The following PPP1R3F variants were observed in gnomAD, a reference collection of about 807,000 sequenced individuals.
The protein encoded by PPP1R3F is protein phosphatase 1 regulatory subunit 3F, also known as protein phosphatase 1, regulatory (inhibitor) subunit 3F.
PPP1R3F carries 29 observed loss-of-function variants against 24.2 expected under a neutral mutation model. The ratio of observed to expected loss-of-function variants is 1.20; its 90% CI spans 0.89 to 1.63. PPP1R3F has a LOEUF of 1.63. Ranked by LOEUF, PPP1R3F falls within the 40% of genes most tolerant of loss-of-function variation. PPP1R3F has a pLI of 0.00. For synonymous variants in PPP1R3F, 363 were observed against 340.1 expected (o/e 1.07, Z -0.74); for missense variants, 823 against 729.3 (o/e 1.13, Z -1.48).
At chrX:49,271,582 C>T (rs782777324) in intron 1 of PPP1R3F, among the ~76,000 whole-genome samples, 3 of 112,473 alleles carry the variant, frequency 2.7e-5, no homozygotes, top group Admixed American at 9.3e-5. Flanking sequence ...AGAGCAGATT[C>T]TCTTTCTGAC....
At position 49,286,808 on chromosome X, in the gene PPP1R3F, C is replaced by T. The variant is rs368923458; in HGVS notation, c.2118C>T (p.Leu706=). 8.3e-7 allele frequency: 1 copy of T among 1,201,821 alleles called. No homozygotes were observed. The highest frequency in any genetic ancestry group is 1.1e-6 in the Non-Finnish European group (1 of 890,224). The change falls in exon 4 of 4, where the codon CTC becomes CTT. Residue 706 remains leucine, a synonymous_variant. Coordinates refer to ENST00000055335, the MANE Select transcript of PPP1R3F (RefSeq NM_033215.5). ...TTCTGCAGGGGCAAAATCCCACCCT[C>T]CTCAGTCCCTTGGGGGCCGAAGTCT... is the stretch of plus-strand genomic sequence containing the variant. ...PVLLQGQNPT[L]LSPLGAEVCL...
Position 49,272,976 on chromosome X carries a change from A to G in PPP1R3F, c.1004+2103A>G, listed in dbSNP as rs1053868026. On this transcript the variant is annotated intron_variant, in intron 1 of 3. Coordinates refer to ENST00000055335, the MANE Select transcript of PPP1R3F (RefSeq NM_033215.5). ...TCCTCTAGAAAGCGTGGCATGATTC[A>G]GGGCAAATTCTGGATTTCACTCTTG... is the stretch of plus-strand genomic sequence containing the variant. 2.8e-5 allele frequency: 3 copies of G among 107,641 alleles called. No homozygotes were observed. The Admixed American group carries it at 3.0e-4, about 11-fold the overall frequency. 8.9% of individuals were successfully genotyped at this position (107,641 alleles called of 1,213,427 possible). A position where few individuals can be genotyped will look rare whatever the true frequency, so the allele number is the denominator to read the frequency against.
rs146047715 is a variant in PPP1R3F at position 49,286,826 on chromosome X, C to T, written c.2136C>T (p.Ala712=). ...CCACCCTCCTCAGTCCCTTGGGGGC[C>T]GAAGTCTGTCTCTCTAGTGTAGCCA... is the stretch of plus-strand genomic sequence containing the variant. ...QNPTLLSPLG[A]EVCLSSVARP... The change falls in exon 4 of 4, where the codon GCC becomes GCT. Residue 712 remains alanine, a synonymous_variant. Coordinates refer to ENST00000055335, the MANE Select transcript of PPP1R3F (RefSeq NM_033215.5). The T allele has an allele frequency of 2.6e-3, 3,059 of 1,198,814 alleles. 4 individuals carry two copies. Among genetic ancestry groups the T allele is most frequent in the Non-Finnish European group, 3.0e-3 (2,630 of 888,622 alleles).
downstream of PPP1R3F, among the ~76,000 whole-genome samples, chrX:49,288,552 T>A (rs2066299788): frequency 8.9e-6 from 1 of 112,117 alleles, no homozygotes; most frequent in African/African-American, 3.2e-5. Context: ...ACACTGATAC[T>A]TATTGTAATG....
At chrX:49,279,920 AG>A (rs2066237279) in intron 1 of PPP1R3F, among the ~76,000 whole-genome samples, 2 of 112,422 alleles carry the variant, frequency 1.8e-5, no homozygotes, top group African/African-American at 6.5e-5. Flanking sequence ...TATGCCACTC[AG>A]GGATCTGACT....
chrX:49,294,418 C>T (rs1470492155), intron 3 of PPP1R3F, among the ~76,000 whole-genome samples: 1 of 108,458 alleles, frequency 9.2e-6, no homozygotes, highest in Non-Finnish European at 1.9e-5. Context: ...GATGGGGTTT[C>T]GCCGTGTTGC....
intron 3 of PPP1R3F, among the ~76,000 whole-genome samples, chrX:49,300,305 C>G (rs2066333764): frequency 9.1e-6 from 1 of 110,016 alleles, no homozygotes; most frequent in South Asian, 3.9e-4. Context: ...AAGGCAGTGC[C>G]CCACTCTACT....
intron 3 of PPP1R3F, among the ~76,000 whole-genome samples, chrX:49,298,370 T>A (rs2066329193): frequency 8.9e-6 from 1 of 112,498 alleles, no homozygotes; most frequent in Non-Finnish European, 1.9e-5. Context: ...GTAGGGTTTC[T>A]GCAGAGATCC....
In PPP1R3F at chrX:49,270,085, T is replaced by TGGC. The variant is rs781904515; in HGVS notation, c.231_233dup (p.Gly78dup). ...AGATGGCGGCGGCGGCCGGGCAAGA[T>TGGC]GGCGGCGGCGGCGGCGGGGCCGACG... is the stretch of plus-strand genomic sequence containing the variant. On this transcript the variant is annotated inframe_insertion, in exon 1 of 4. Transcript: ENST00000055335. 5.5e-4 allele frequency: 554 copies of TGGC among 1,000,312 alleles called. 12 individuals are homozygous for TGGC. In the East Asian group the frequency reaches 8.4e-3, roughly 15 times the overall value. The allele number at this position is 1,000,312 out of a possible 1,213,427, so 82.4% of individuals were successfully genotyped here.
rs1290956504 is a variant in PPP1R3F at position 49,287,163 on chromosome X, T to C, written c.*73T>C. 25 of 1,051,014 alleles carry C rather than the reference T, an allele frequency of 2.4e-5. No homozygotes were observed. Among genetic ancestry groups the C allele is most frequent in the Non-Finnish European group, 3.0e-5 (23 of 775,576 alleles). The allele number at this position is 1,051,014 out of a possible 1,213,427, so 86.6% of individuals were successfully genotyped here. A position where few individuals can be genotyped will look rare whatever the true frequency, so the allele number is the denominator to read the frequency against. On this transcript the variant is annotated 3_prime_UTR_variant, in exon 4 of 4. Transcript: ENST00000055335. ...GTGCAGTGAGGGGACCTGGGTCCTT[T>C]GCTTCTGAGAATGCTCAACTGAAAG...
chrX:49,299,500 T>C (rs189427091), intron 3 of PPP1R3F, among the ~76,000 whole-genome samples: 44 of 112,164 alleles, frequency 3.9e-4, no homozygotes, highest in African/African-American at 1.3e-3. Context: ...GGGACCCACT[T>C]GAGGAGGCAG....
Position 49,270,742 on chromosome X carries a change from C to T in PPP1R3F, c.873C>T (p.Pro291=). The part of the protein sequence containing the change: ...YTVLLRIAPA[P]TPTDAEGLPQ... The stretch of plus-strand genomic sequence containing the variant: ...TCCTGCTCCGGATCGCACCCGCTCC[C>T]ACACCCACTGATGCCGAAGGGCTGC... The change falls in exon 1 of 4, where the codon CCC becomes CCT. Residue 291 remains proline, a synonymous_variant. Transcript: ENST00000055335. 1 of 1,204,597 alleles carries T rather than the reference C, an allele frequency of 8.3e-7. No individual in the cohort carries two copies. The highest frequency in any genetic ancestry group is 1.1e-6 in the Non-Finnish European group (1 of 892,075).
intron 3 of PPP1R3F, among the ~76,000 whole-genome samples, chrX:49,293,321 C>T (rs181370231): frequency 4.1e-3 from 466 of 112,500 alleles, no homozygotes; most frequent in Non-Finnish European, 5.2e-3. Context: ...TATTATTATA[C>T]TCCTATTGGA....
chrX:49,296,066 T>C (rs895881375), intron 3 of PPP1R3F, among the ~76,000 whole-genome samples: 3 of 112,064 alleles, frequency 2.7e-5, no homozygotes, highest in African/African-American at 9.7e-5. Context: ...CTTTTTCTAT[T>C]GTTTGGAATA....
chrX:49,286,012 A>G lies in PPP1R3F; in HGVS notation c.1322A>G (p.Glu441Gly). ...CAGGCCTCAGGGCCCGATGCGAGCGAGGGGGCCACCGGGCCTTTCCTGGAG... is the reference window on the plus strand; with the variant it reads ...CAGGCCTCAGGGCCCGATGCGAGCGGGGGGGCCACCGGGCCTTTCCTGGAG... ...RDQASGPDAS[E>G]GATGPFLEPS... Residue 441 changes from glutamate (E) to glycine (G), a missense_variant, in exon 4 of 4, where the codon GAG (glutamate) becomes GGG (glycine). Coordinates refer to ENST00000055335, the MANE Select transcript of PPP1R3F (RefSeq NM_033215.5). The G allele has an allele frequency of 8.5e-7, 1 of 1,181,690 alleles. No individual in the cohort carries two copies. The highest frequency in any genetic ancestry group is 1.1e-6 in the Non-Finnish European group (1 of 878,123).
chrX:49,292,453 T>G (rs1292832142), downstream of PPP1R3F, among the ~76,000 whole-genome samples: 1 of 112,896 alleles, frequency 8.9e-6, no homozygotes, highest in Non-Finnish European at 1.9e-5. Flanking sequence ...TTGGCCAGGT[T>G]GGCCAGGTTG....
In PPP1R3F at chrX:49,269,945, A is replaced by C. The variant is rs1470082474; in HGVS notation, c.76A>C (p.Thr26Pro). 1.9e-5 allele frequency: 17 copies of C among 891,802 alleles called. No individual in the cohort carries two copies. The highest frequency in any genetic ancestry group is 6.4e-5 in the Admixed American group (1 of 15,598). The allele number at this position is 891,802 out of a possible 1,213,427, so 73.5% of individuals were successfully genotyped here. A position where few individuals can be genotyped will look rare whatever the true frequency, so the allele number is the denominator to read the frequency against. Reference sequence around the variant, plus strand: ...CTCGCCGGCCGCGGGTGAGCCCCGCACCTCGGTCGAGGCGGCGGTGGCCCC... The same window carrying C: ...CTCGCCGGCCGCGGGTGAGCCCCGCCCCTCGGTCGAGGCGGCGGTGGCCCC... ...PPSPAAGEPR[T>P]SVEAAVAPRR... Residue 26 changes from threonine (T) to proline (P), a missense_variant, in exon 1 of 4, where the codon ACC (threonine) becomes CCC (proline). Transcript: ENST00000055335.
rs146985567 is a variant in PPP1R3F at position 49,295,509 on chromosome X, G to C, written c.393-5842G>C. ...CCAGGATAAGCCTCACTTGGTCATG[G>C]TGTCTTATTTTTGTATATTGGATTT... is the stretch of plus-strand genomic sequence containing the variant. On this transcript the variant is annotated intron_variant, in intron 3 of 3. Coordinates refer to the PPP1R3F transcript ENST00000471261. Among the ~76,000 whole-genome samples, 11 of 111,409 alleles carry C rather than the reference G, an allele frequency of 9.9e-5. No individual in the cohort carries two copies. The East Asian group carries it at 3.1e-3, about 31-fold the overall frequency.
intron 3 of PPP1R3F, among the ~76,000 whole-genome samples, chrX:49,285,452 T>G (rs1188171871): frequency 7.2e-5 from 8 of 111,710 alleles, no homozygotes; most frequent in Admixed American, 2.9e-4. Flanking sequence ...CGCCTTGGCT[T>G]CCTAAAGTGC....
Sources: gnomAD v4.1 joint callset for allele counts (sites outside exome capture counted in the v4.1 genomes callset) on GRCh38, gnomAD v4.1.1 for gene constraint, MANE v1.5 for transcripts, NCBI Gene and HGNC (gene_info 2026-07-23, HGNC 2026-07-21) for gene names.